Variants in SERPINB7 observed in about 807,000 individuals in gnomAD.
The protein encoded by SERPINB7 is serpin family B member 7, also known as serpin B7.
A neutral mutation model predicts 37.4 loss-of-function variants in SERPINB7; 31 were observed. That is an observed-to-expected ratio of 0.83 (90% CI 0.62 to 1.12). The LOEUF (loss-of-function observed/expected upper bound fraction) is 1.12, where lower values mean the gene tolerates loss of function less well. Among genes scored for constraint, SERPINB7 ranks in the 50% most tolerant of loss-of-function variants. The pLI is 0.00. For synonymous variants in SERPINB7, 163 were observed against 166.1 expected (o/e 0.98, Z 0.14); for missense variants, 521 against 455.3 (o/e 1.14, Z -1.31).
chr18:63,761,119 T>G (rs773346111), intron 1 of SERPINB7, among the ~76,000 whole-genome samples: 22 of 152,226 alleles, frequency 1.4e-4, no homozygotes, highest in Non-Finnish European at 2.8e-4. Flanking sequence ...AGGCAGGCTG[T>G]ATCCTGCAAA....
intron 3 of SERPINB7, among the ~76,000 whole-genome samples, 197 bp from the exon 4 acceptor site, chr18:63,792,964 T>A (rs1233770269): frequency 6.6e-6 from 1 of 152,252 alleles, no homozygotes; most frequent in African/African-American, 2.4e-5. Context: ...AAGTATTTAG[T>A]AAATTATTTC....
At chr18:63,760,979 C>T (rs1214586779) in intron 1 of SERPINB7, among the ~76,000 whole-genome samples, 1 of 152,238 alleles carries the variant, frequency 6.6e-6, no homozygotes, top group Non-Finnish European at 1.5e-5. Flanking sequence ...TACTGGGCTA[C>T]TGCCTAGTGG....
upstream of SERPINB7, among the ~76,000 whole-genome samples, chr18:63,770,501 A>G (rs1473200175): frequency 6.6e-6 from 1 of 151,910 alleles, no homozygotes; most frequent in Non-Finnish European, 1.5e-5. Context: ...ACTGGAAGCT[A>G]TTGTCATTAT....
At chr18:63,796,718 G>A (rs528563945) in intron 5 of SERPINB7, among the ~76,000 whole-genome samples, 1 of 152,062 alleles carries the variant, frequency 6.6e-6, no homozygotes, top group South Asian at 2.1e-4. Context: ...TCTCACCCTC[G>A]TTAGTGAACA....
At chr18:63,790,833 T>C (rs1393583870) in intron 2 of SERPINB7, among the ~76,000 whole-genome samples, 1 of 152,186 alleles carries the variant, frequency 6.6e-6, no homozygotes, top group Non-Finnish European at 1.5e-5. Context: ...TAAAGACGCA[T>C]GCACACGTAT....
chr18:63,761,945 G>T (rs1349026147), intron 1 of SERPINB7, among the ~76,000 whole-genome samples: 1 of 152,148 alleles, frequency 6.6e-6, no homozygotes, highest in Non-Finnish European at 1.5e-5. Context: ...TTCTAGGTCT[G>T]ACCTGATCCA....
At chr18:63,795,706 C>T (rs1004063665) in intron 4 of SERPINB7, among the ~76,000 whole-genome samples, 1 of 152,052 alleles carries the variant, frequency 6.6e-6, no homozygotes, top group African/African-American at 2.4e-5. Flanking sequence ...TGGGCCATTT[C>T]AGGCAGAAGG....
At chr18:63,787,948 A>G (rs1326450933) in intron 2 of SERPINB7, among the ~76,000 whole-genome samples, 4 of 152,228 alleles carry the variant, frequency 2.6e-5, no homozygotes, top group Non-Finnish European at 5.9e-5. Flanking sequence ...AGCGAAATGC[A>G]TTACTCATGT....
In SERPINB7 at chr18:63,792,413, C is replaced by T. The variant is rs1338478350; in HGVS notation, c.189C>T (p.Ala63=). ...TACAGTTGCTTCATGTTAACACTGC[C>T]TCAGGATATGGAAACTCTTCTAATA... The part of the protein sequence containing the change: ...QIDKLLHVNT[A]SGYGNSSNSQ... The change falls in exon 3 of 8, where the codon GCC becomes GCT. Residue 63 remains alanine (A), a synonymous_variant. Transcript: ENST00000398019. 9.3e-6 allele frequency: 15 copies of T among 1,604,844 alleles called. No individual in the cohort carries two copies. Among genetic ancestry groups the T allele is most frequent in the Admixed American group, 1.7e-5 (1 of 59,942 alleles).
chr18:63,772,236 T>C (rs1334005409), upstream of SERPINB7, among the ~76,000 whole-genome samples: 1 of 151,962 alleles, frequency 6.6e-6, no homozygotes, highest in Non-Finnish European at 1.5e-5. Context: ...TTACTATCTA[T>C]CTATCTATTA....
In SERPINB7 at chr18:63,804,435, C is replaced by T. The variant is rs139542928; in HGVS notation, c.943C>T (p.Arg315Cys). The T allele has an allele frequency of 6.5e-4, 1,045 of 1,613,572 alleles. 1 individual carries two copies. Among genetic ancestry groups the T allele is most frequent in the Non-Finnish European group, 8.3e-4 (985 of 1,179,800 alleles). Reference sequence around the variant, plus strand: ...TCTCTCTGGGATTGCTTCGGGGGGTCGTCTGTATATATCAAGGATGATGCA... The same window carrying T: ...TCTCTCTGGGATTGCTTCGGGGGGTTGTCTGTATATATCAAGGATGATGCA... Reference protein sequence around the residue: ...ADLSGIASGGRLYISRMMHKS... With the variant: ...ADLSGIASGGCLYISRMMHKS... Residue 315 changes from arginine to cysteine, a missense_variant, in exon 8 of 8, where the codon CGT (arginine) becomes TGT (cysteine). Physicochemically the swap from Arg to Cys is radical, Grantham distance 180. Coordinates refer to ENST00000398019, the MANE Select transcript of SERPINB7 (RefSeq NM_003784.4).
At chr18:63,777,490 C>G (rs1276335625) in intron 1 of SERPINB7, among the ~76,000 whole-genome samples, 2 of 151,858 alleles carry the variant, frequency 1.3e-5, no homozygotes, top group Non-Finnish European at 2.9e-5. Context: ...CCAGTTGTGC[C>G]TTAATGTAAG....
chr18:63,786,896 T>C (rs1035360237), intron 2 of SERPINB7, among the ~76,000 whole-genome samples: 7 of 152,180 alleles, frequency 4.6e-5, no homozygotes, highest in African/African-American at 1.7e-4. Flanking sequence ...ACATAAATAT[T>C]TACTGTAGGT....
At chr18:63,793,374 T>C in intron 4 of SERPINB7, 97 bp downstream of exon 4, 1 of 593,282 alleles carries the variant, frequency 1.7e-6, no homozygotes, top group South Asian at 2.8e-5. Context: ...ACAAAGATGG[T>C]TTTGTTTCTC....
At position 63,793,227 on chromosome 18, in the gene SERPINB7, C is replaced by G. The variant is rs776849161; in HGVS notation, c.286C>G (p.Leu96Val). The change falls in exon 4 of 8, where the codon CTC becomes GTC. Residue 96 changes from leucine (L) to valine (V), a missense_variant. By Grantham distance (32) the Leu-to-Val change is conservative. Transcript: ENST00000398019. ...DINASHKDYD[L>V]SIVNGLFAEK... ...AAATGCATCCCACAAGGATTATGAT[C>G]TCAGCATTGTGAATGGGCTTTTTGC... 8 of 1,609,350 alleles carry G rather than the reference C, an allele frequency of 5.0e-6. No homozygotes were observed. In the Admixed American group the frequency reaches 1.3e-4, roughly 27 times the overall value.
intron 6 of SERPINB7, among the ~76,000 whole-genome samples, chr18:63,800,477 T>A (rs536116986): frequency 6.6e-6 from 1 of 152,236 alleles, no homozygotes; most frequent in African/African-American, 2.4e-5. Context: ...TTACTTATTA[T>A]AGAGACTTTT....
chr18:63,795,881 T>A (rs1200007593), intron 4 of SERPINB7, among the ~76,000 whole-genome samples: 2 of 152,140 alleles, frequency 1.3e-5, no homozygotes. Flanking sequence ...TTGGGCTTTG[T>A]CTTGAGTGCA....
intron 2 of SERPINB7, among the ~76,000 whole-genome samples, chr18:63,783,865 T>C (rs2049338383): frequency 6.6e-6 from 1 of 152,220 alleles, no homozygotes; most frequent in African/African-American, 2.4e-5. Context: ...CCTCAGGTCA[T>C]ATGGAAAACC....
At chr18:63,780,862 T>TC (rs1271930614) in intron 1 of SERPINB7, among the ~76,000 whole-genome samples, 1 of 152,138 alleles carries the variant, frequency 6.6e-6, no homozygotes, top group East Asian at 1.9e-4. Flanking sequence ...AGAGTATGGG[T>TC]CCCTCAGGGA....
Sources: allele counts gnomAD v4.1 joint callset (sites outside exome capture counted in the v4.1 genomes callset), GRCh38; gene constraint gnomAD v4.1.1; transcripts MANE v1.5; gene names NCBI Gene and HGNC (gene_info 2026-07-23, HGNC 2026-07-21).